STK4: variants seen among roughly 807,000 people sequenced by gnomAD.
STK4 encodes the protein serine/threonine-protein kinase 4.
A neutral mutation model predicts 64.9 loss-of-function variants in STK4; 30 were observed. That is an observed-to-expected ratio of 0.46 (90% CI 0.35 to 0.63). STK4 has a LOEUF of 0.63. Ranked by LOEUF, STK4 falls within the 20% of genes least tolerant of loss-of-function variation. The pLI is 0.01. For missense variants in STK4, 466 were observed against 598.5 expected, an observed-to-expected ratio of 0.78 and a Z score of 2.31; for synonymous variants, 177 against 199.0, an observed-to-expected ratio of 0.89 and a Z score of 0.93.
At position 44,978,432 on chromosome 20, in the gene STK4, C is replaced by A; in HGVS notation, c.117-11C>A. 1 of 1,601,394 alleles carries A rather than the reference C, an allele frequency of 6.2e-7. No homozygotes were observed. The highest frequency in any genetic ancestry group is 8.5e-7 in the Non-Finnish European group (1 of 1,175,942). Reference sequence around the variant, plus strand: ...GACTTTATAAATGTTCTTCTTCTCCCAAATGTATAGGTCCTATGGCAGCGT... The same window carrying A: ...GACTTTATAAATGTTCTTCTTCTCCAAAATGTATAGGTCCTATGGCAGCGT... On this transcript the variant is annotated splice_polypyrimidine_tract_variant and intron_variant, in intron 2 of 10. Transcript: ENST00000372806.
At chr20:45,050,466 A>C (rs1407012305) in intron 10 of STK4, among the ~76,000 whole-genome samples, 1 of 152,212 alleles carries the variant, frequency 6.6e-6, no homozygotes, top group Non-Finnish European at 1.5e-5. Context: ...TTTGCATGGT[A>C]CGCCCTTAGA....
chr20:45,051,055 A>C (rs2068769173), intron 10 of STK4, among the ~76,000 whole-genome samples: 1 of 152,184 alleles, frequency 6.6e-6, no homozygotes, highest in South Asian at 2.1e-4. Context: ...ACAGATAGAA[A>C]CTTTCCACTT....
chr20:45,036,470 T>TC (rs1431832961), intron 10 of STK4, among the ~76,000 whole-genome samples: 1 of 152,118 alleles, frequency 6.6e-6, no homozygotes, highest in African/African-American at 2.4e-5. Flanking sequence ...GTGCTTGTGT[T>TC]CAGGGAACCC....
At chr20:45,053,072 C>T (rs1555823703) in intron 10 of STK4, 3 of 1,591,510 alleles carry the variant, frequency 1.9e-6, no homozygotes, top group Non-Finnish European at 1.7e-6. Flanking sequence ...AGATTTTGTG[C>T]TCTTTTCTTT....
chr20:45,073,330 A>T (rs1195512475), intron 10 of STK4, among the ~76,000 whole-genome samples: 1 of 152,020 alleles, frequency 6.6e-6, no homozygotes, highest in Non-Finnish European at 1.5e-5. Flanking sequence ...ATTACAAAGA[A>T]CCTTTCGTCT....
Position 45,024,074 on chromosome 20 carries a change from G to A in STK4, c.1148-899G>A, listed in dbSNP as rs569159328. On this transcript the variant is annotated intron_variant, in intron 9 of 10. Coordinates refer to ENST00000372806, the MANE Select transcript of STK4 (RefSeq NM_006282.5). ...CGCCACCACGCCCGGCTAATTTTTT[G>A]TATTTTTAATAGAGATGGGGTTTCA... Among the ~76,000 whole-genome samples, 4 of 151,486 alleles carry A rather than the reference G, an allele frequency of 2.6e-5. No individual in the cohort carries two copies. In the South Asian group the frequency reaches 8.4e-4, roughly 32 times the overall value.
chr20:45,041,225 G>A (rs1390728528), intron 10 of STK4, among the ~76,000 whole-genome samples: 1 of 152,072 alleles, frequency 6.6e-6, no homozygotes, highest in Non-Finnish European at 1.5e-5. Flanking sequence ...ACAAAACAAA[G>A]TTGTTCAGAT....
At chr20:45,016,129 G>A (rs935089037) in intron 9 of STK4, among the ~76,000 whole-genome samples, 1 of 152,162 alleles carries the variant, frequency 6.6e-6, no homozygotes, top group Admixed American at 6.5e-5. Context: ...AGAAGAGAGA[G>A]GGAGGCTCTG....
In STK4 at chr20:45,000,147, A is replaced by G. The variant is rs1475282730; in HGVS notation, c.832-245A>G. Among the ~76,000 whole-genome samples, 8 of 152,326 alleles carry G rather than the reference A, an allele frequency of 5.3e-5. No homozygotes were observed. The East Asian group carries it at 9.6e-4, about 18-fold the overall frequency. ...ATGATACTCCCTATTGAGAATCGCT[A>G]GATTTGACAGAGAGAAATGGCATAG... is the stretch of plus-strand genomic sequence containing the variant. On this transcript the variant is annotated intron_variant, in intron 7 of 10. Transcript: ENST00000372806.
chr20:45,003,280 G>A (rs2067873649), intron 9 of STK4, among the ~76,000 whole-genome samples: 1 of 152,142 alleles, frequency 6.6e-6, no homozygotes. Flanking sequence ...GGAATTAGAG[G>A]TGTGAGCCAC....
At chr20:45,036,182 A>G (rs555687112) in intron 10 of STK4, among the ~76,000 whole-genome samples, 1 of 152,250 alleles carries the variant, frequency 6.6e-6, no homozygotes, top group African/African-American at 2.4e-5. Context: ...TTCACAATGT[A>G]TGTACATACA....
intron 2 of STK4, 195 bp downstream of exon 2, chr20:44,972,353 G>A (rs1421169793): frequency 1.2e-5 from 6 of 495,326 alleles, no homozygotes; most frequent in African/African-American, 2.0e-5. Context: ...TTTTTAACAC[G>A]AAGAATATCT....
chr20:45,008,995 T>C (rs1025477487), intron 9 of STK4, among the ~76,000 whole-genome samples: 3 of 152,182 alleles, frequency 2.0e-5, no homozygotes, highest in Non-Finnish European at 4.4e-5. Flanking sequence ...TTGTTTACAC[T>C]GTTGATAGTT....
intron 9 of STK4, among the ~76,000 whole-genome samples, chr20:45,023,712 G>C (rs753279282): frequency 6.6e-6 from 1 of 151,968 alleles, no homozygotes; most frequent in Non-Finnish European, 1.5e-5. Context: ...AATAGCTGCT[G>C]TATTCTGCTC....
At chr20:45,027,154 C>T (rs1316765555) in intron 10 of STK4, among the ~76,000 whole-genome samples, 1 of 152,084 alleles carries the variant, frequency 6.6e-6, no homozygotes, top group East Asian at 1.9e-4. Flanking sequence ...TTTGGCTAGG[C>T]GCAGTGGCTC....
At chr20:44,982,693 T>C (rs1213717232) in intron 4 of STK4, among the ~76,000 whole-genome samples, 1 of 152,162 alleles carries the variant, frequency 6.6e-6, no homozygotes, top group Non-Finnish European at 1.5e-5. Context: ...CTAGGAGTCA[T>C]GGGTTTTAGT....
chr20:45,042,723 A>C (rs1012327148), intron 10 of STK4, among the ~76,000 whole-genome samples: 2 of 151,954 alleles, frequency 1.3e-5, no homozygotes, highest in African/African-American at 4.8e-5. Flanking sequence ...AGGGAGGAGA[A>C]GGCTGATTGA....
chr20:44,996,359 G>C (rs568575396), intron 6 of STK4, among the ~76,000 whole-genome samples: 63 of 151,974 alleles, frequency 4.1e-4, no homozygotes, highest in Middle Eastern at 6.8e-3. Flanking sequence ...CCTTCCTCAG[G>C]GGCTCTGTGG....
At chr20:44,997,444 C>A in intron 7 of STK4, 138 bp downstream of exon 7, 3 of 1,106,266 alleles carry the variant, frequency 2.7e-6, no homozygotes, top group Non-Finnish European at 3.7e-6. Flanking sequence ...GTAATCGTAG[C>A]ACTTTGGGAG....
Sources: gnomAD v4.1 joint callset for allele counts (sites outside exome capture counted in the v4.1 genomes callset) on GRCh38, gnomAD v4.1.1 for gene constraint, MANE v1.5 for transcripts, NCBI Gene and HGNC (gene_info 2026-07-23, HGNC 2026-07-21) for gene names.